The following SLC25A21 variants were observed in gnomAD, a reference collection of about 807,000 sequenced individuals.
SLC25A21 encodes solute carrier family 25 member 21.
In SLC25A21, 47 loss-of-function variants were observed where a neutral mutation model predicts 43.8. The observed-to-expected ratio is 1.07, with a 90% CI of 0.85 to 1.37. The LOEUF (loss-of-function observed/expected upper bound fraction) is 1.37, where lower values mean the gene tolerates loss of function less well. Among genes scored for constraint, SLC25A21 ranks in the 40% most tolerant of loss-of-function variants. SLC25A21 has a pLI of 0.00. For missense variants in SLC25A21, 352 were observed against 350.2 expected, an observed-to-expected ratio of 1.00 and a Z score of -0.04; for synonymous variants, 131 against 121.3, an observed-to-expected ratio of 1.08 and a Z score of -0.52.
chr14:36,680,164 G>C lies in SLC25A21; in HGVS notation c.*494C>G, dbSNP rs900440369. ...TAGTGCACTTTAAAAAATTTTTCTT[G>C]TGCTCTTTAAATATTATTTATGGAA... is the stretch of plus-strand genomic sequence containing the variant. On this transcript the variant is annotated 3_prime_UTR_variant, in exon 10 of 10. Coordinates refer to ENST00000331299, the MANE Select transcript of SLC25A21 (RefSeq NM_030631.4). 55 of 843,696 alleles carry C rather than the reference G, an allele frequency of 6.5e-5. No individual in the cohort carries two copies. In the African/African-American group the frequency reaches 9.8e-4, roughly 15 times the overall value. The allele number at this position is 843,696 out of a possible 1,614,324, so 52.3% of individuals were successfully genotyped here. A position where few individuals can be genotyped will look rare whatever the true frequency, so the allele number is the denominator to read the frequency against.
chr14:37,137,342 T>A (rs1453743507), intron 1 of SLC25A21, among the ~76,000 whole-genome samples: 1 of 152,212 alleles, frequency 6.6e-6, no homozygotes. Flanking sequence ...TAAATAATGG[T>A]ATTATGTTTA....
chr14:37,145,476 C>CACACACACACACAGAGAGAGAG (rs780734735), intron 1 of SLC25A21, among the ~76,000 whole-genome samples: 2 of 143,566 alleles, frequency 1.4e-5, no homozygotes, highest in African/African-American at 5.3e-5. Flanking sequence ...CACACACACA[C>CACACACACACACAGAGAGAGAG]AGAGAGATGA....
chr14:37,064,859 T>C (rs1962028335), intron 1 of SLC25A21, among the ~76,000 whole-genome samples: 1 of 152,160 alleles, frequency 6.6e-6, no homozygotes, highest in Admixed American at 6.6e-5. Flanking sequence ...GCATGCATAT[T>C]CTCAAAAGAG....
intron 1 of SLC25A21, among the ~76,000 whole-genome samples, chr14:36,994,282 T>C (rs1316658283): frequency 6.6e-6 from 1 of 152,164 alleles, no homozygotes; most frequent in Non-Finnish European, 1.5e-5. Flanking sequence ...CAGGATTCTC[T>C]TCTGTTTGTT....
Position 36,678,457 on chromosome 14 carries a change from A to G in SLC25A21, c.*2201T>C. Reference sequence around the variant, plus strand: ...CATAGTCTTCCTTTGATCTTGTAAAACTTCCATTGACATCTGGAGTTCCCA... The same window carrying G: ...CATAGTCTTCCTTTGATCTTGTAAAGCTTCCATTGACATCTGGAGTTCCCA... On this transcript the variant is annotated 3_prime_UTR_variant, in exon 10 of 10. Transcript: ENST00000331299. 1 of 1,522,222 alleles carries G rather than the reference A, an allele frequency of 6.6e-7. No homozygotes were observed. Among genetic ancestry groups the G allele is most frequent in the Non-Finnish European group, 8.8e-7 (1 of 1,133,176 alleles). 94.3% of individuals were successfully genotyped at this position (1,522,222 alleles called of 1,614,324 possible).
rs1210467971 is a variant in SLC25A21, at chr14:36,821,612, T to A, written c.120-7611A>T. Among the ~76,000 whole-genome samples, 4 of 151,182 alleles carry A rather than the reference T, an allele frequency of 2.6e-5. No homozygotes were observed. In the East Asian group the frequency reaches 7.8e-4, roughly 29 times the overall value. On this transcript the variant is annotated intron_variant, in intron 2 of 9. Transcript: ENST00000331299. ...CAGCCGGATTACTTAAAGTCAGGAGTTCGAGACTAGCCTGGCCAACATGGT... is the reference window on the plus strand; with the variant it reads ...CAGCCGGATTACTTAAAGTCAGGAGATCGAGACTAGCCTGGCCAACATGGT...
At chr14:36,773,297 G>C (rs1317557118) in intron 3 of SLC25A21, among the ~76,000 whole-genome samples, 1 of 152,036 alleles carries the variant, frequency 6.6e-6, no homozygotes, top group African/African-American at 2.4e-5. Flanking sequence ...GCTGTGATAA[G>C]GGCCTGCCAT....
intron 1 of SLC25A21, among the ~76,000 whole-genome samples, chr14:36,931,729 C>A (rs910347040): frequency 2.6e-4 from 39 of 150,196 alleles, no homozygotes; most frequent in Admixed American, 7.4e-4. Flanking sequence ...CAGGTAAATT[C>A]AAAAGACATG....
At chr14:36,681,707 CTTAG>C (rs940864778) in intron 9 of SLC25A21, among the ~76,000 whole-genome samples, 1 of 151,810 alleles carries the variant, frequency 6.6e-6, no homozygotes, top group East Asian at 1.9e-4. Flanking sequence ...TGATTTGGGT[CTTAG>C]TTATTTTGAA....
intron 1 of SLC25A21, among the ~76,000 whole-genome samples, chr14:37,115,175 T>G (rs970672849): frequency 6.6e-6 from 1 of 152,144 alleles, no homozygotes; most frequent in African/African-American, 2.4e-5. Flanking sequence ...CGGGGATATA[T>G]CCTACAAGCC....
At chr14:37,120,304 C>A (rs567378558) in intron 1 of SLC25A21, among the ~76,000 whole-genome samples, 1 of 152,054 alleles carries the variant, frequency 6.6e-6, no homozygotes, top group African/African-American at 2.4e-5. Flanking sequence ...GGCTTTAGAC[C>A]TTTTCATAAA....
At chr14:36,777,229 G>T (rs1594578762) in intron 3 of SLC25A21, among the ~76,000 whole-genome samples, 2 of 152,080 alleles carry the variant, frequency 1.3e-5, no homozygotes, top group Admixed American at 6.6e-5. Context: ...CTGCACTTCC[G>T]CATGGGCAAC....
chr14:36,724,264 T>A (rs1344501919), intron 6 of SLC25A21, among the ~76,000 whole-genome samples: 1 of 152,194 alleles, frequency 6.6e-6, no homozygotes, highest in Non-Finnish European at 1.5e-5. Flanking sequence ...GTAGATACCA[T>A]CTACTGTAAC....
chr14:37,003,322 T>G (rs996113909), intron 1 of SLC25A21, among the ~76,000 whole-genome samples: 1 of 152,172 alleles, frequency 6.6e-6, no homozygotes, highest in Admixed American at 6.5e-5. Context: ...CATGATGAGA[T>G]GAAGTGAGGT....
chr14:36,851,604 T>A (rs1456665027), intron 2 of SLC25A21, among the ~76,000 whole-genome samples: 1 of 152,206 alleles, frequency 6.6e-6, no homozygotes, highest in Non-Finnish European at 1.5e-5. Context: ...TGAATGTGGC[T>A]GCTTATAAAA....
At chr14:37,030,205 G>A (rs1594759620) in intron 1 of SLC25A21, among the ~76,000 whole-genome samples, 1 of 152,126 alleles carries the variant, frequency 6.6e-6, no homozygotes, top group Non-Finnish European at 1.5e-5. Flanking sequence ...TCATTAAGTG[G>A]AAGTAGATCA....
At chr14:36,868,600 T>C (rs1428687522) in intron 2 of SLC25A21, among the ~76,000 whole-genome samples, 1 of 152,182 alleles carries the variant, frequency 6.6e-6, no homozygotes, top group East Asian at 1.9e-4. Flanking sequence ...TCTTTTAAAA[T>C]ACAAAGTGAG....
At chr14:36,905,818 G>T (rs1891518929) in intron 1 of SLC25A21, among the ~76,000 whole-genome samples, 1 of 152,126 alleles carries the variant, frequency 6.6e-6, no homozygotes, top group Non-Finnish European at 1.5e-5. Context: ...TATAATCTCT[G>T]TGACCTTGTC....
intron 3 of SLC25A21, among the ~76,000 whole-genome samples, chr14:36,808,638 T>A (rs1175506575): frequency 6.6e-6 from 1 of 152,126 alleles, no homozygotes; most frequent in Non-Finnish European, 1.5e-5. Flanking sequence ...GAAACCATGG[T>A]TATACCTGCG....
Sources: allele counts gnomAD v4.1 joint callset (sites outside exome capture counted in the v4.1 genomes callset), GRCh38; gene constraint gnomAD v4.1.1; transcripts MANE v1.5; gene names NCBI Gene and HGNC (gene_info 2026-07-23, HGNC 2026-07-21).